Variants in ZC3H12B observed in about 807,000 individuals in gnomAD.
ZC3H12B encodes the protein zinc finger CCCH-type containing 12B.
Under a neutral mutation model 43.9 loss-of-function variants are expected in ZC3H12B, and 7 were observed. The ratio of observed to expected loss-of-function variants is 0.16; its 90% CI spans 0.09 to 0.30. The LOEUF is 0.30. Ranked by LOEUF, ZC3H12B falls within the 10% of genes least tolerant of loss-of-function variation. The probability of loss-of-function intolerance (pLI) is 1.00; values close to 1 mark genes in which losing one functional copy is unlikely to be tolerated. For synonymous variants in ZC3H12B, 222 were observed against 241.7 expected, an observed-to-expected ratio of 0.92 and a Z score of 0.76; for missense variants, 475 against 670.2, an observed-to-expected ratio of 0.71 and a Z score of 3.22.
chrX:65,224,333 G>A, the ZC3H12B span, among the ~76,000 whole-genome samples: 569 of 112,503 alleles, frequency 5.1e-3, 2 homozygotes, highest in African/African-American at 0.016. Flanking sequence ...CTATGAGTTG[G>A]GTACAGTCTA....
At chrX:65,408,426 C>G (rs763660930) in intron 3 of ZC3H12B, 1 of 1,206,106 alleles carries the variant, frequency 8.3e-7, no homozygotes, top group African/African-American at 1.7e-5. Context: ...AAACAGGTGA[C>G]CATGGCAGAG....
the ZC3H12B span, among the ~76,000 whole-genome samples, chrX:65,058,859 G>A: frequency 5.3e-5 from 6 of 112,277 alleles, no homozygotes; most frequent in East Asian, 2.8e-4. Context: ...CTTCGTGGGC[G>A]TGTGACCCTC....
Position 65,382,520 on chromosome X carries a change from G to A in ZC3H12B, n.295+13522G>A, listed in dbSNP as rs183197302. ...CATACTGAATGGGCAAAAACTGGAA[G>A]CATTCCCTTTGAAAACTGGCACAAG... is the stretch of plus-strand genomic sequence containing the variant. On this transcript the variant is annotated intron_variant and non_coding_transcript_variant, in intron 2 of 5. Transcript: ENST00000617377. Among the ~76,000 whole-genome samples, 253 of 111,434 alleles carry A rather than the reference G, an allele frequency of 2.3e-3. 2 individuals carry two copies. Among genetic ancestry groups the A allele is most frequent in the African/African-American group, 7.6e-3 (233 of 30,624 alleles).
At chrX:65,246,266 C>CA in the ZC3H12B span, among the ~76,000 whole-genome samples, 3 of 111,135 alleles carry the variant, frequency 2.7e-5, no homozygotes, top group Non-Finnish European at 3.8e-5. Flanking sequence ...ATACATGGCA[C>CA]AAAAAAATAG....
At chrX:65,168,877 A>T in the ZC3H12B span, among the ~76,000 whole-genome samples, 8 of 111,418 alleles carry the variant, frequency 7.2e-5, no homozygotes, top group African/African-American at 2.6e-4. Context: ...TGTGGAATTG[A>T]TGGTGATATC....
chrX:65,120,560 G>T, the ZC3H12B span, among the ~76,000 whole-genome samples: 1 of 111,308 alleles, frequency 9.0e-6, no homozygotes, highest in Admixed American at 9.6e-5. Flanking sequence ...TGAGACGATG[G>T]GGTTTTCTAG....
the ZC3H12B span, among the ~76,000 whole-genome samples, chrX:65,120,163 G>T: frequency 3.6e-5 from 4 of 111,875 alleles, no homozygotes; most frequent in African/African-American, 1.3e-4. Flanking sequence ...CTTTAAATTA[G>T]TTTTTTCCAA....
At chrX:65,219,722 T>C in the ZC3H12B span, among the ~76,000 whole-genome samples, 2 of 109,847 alleles carry the variant, frequency 1.8e-5, no homozygotes, top group Non-Finnish European at 3.8e-5. Flanking sequence ...GTTTGGAAAA[T>C]GTATTTGAGG....
chrX:65,314,805 A>C, the ZC3H12B span, among the ~76,000 whole-genome samples: 1 of 111,076 alleles, frequency 9.0e-6, no homozygotes, highest in Non-Finnish European at 1.9e-5. Context: ...GTAAAATATA[A>C]TTTGGGAAAA....
At chrX:65,211,310 C>G in the ZC3H12B span, among the ~76,000 whole-genome samples, 2 of 108,265 alleles carry the variant, frequency 1.8e-5, no homozygotes, top group African/African-American at 6.7e-5. Context: ...TTCTTGTAAC[C>G]AAAAACCACC....
intron 3 of ZC3H12B, among the ~76,000 whole-genome samples, chrX:65,422,884 T>C (rs981179657): frequency 9.2e-6 from 1 of 109,184 alleles, no homozygotes; most frequent in Non-Finnish European, 1.9e-5. Context: ...TGTGGCTGCA[T>C]AGTATTCCAT....
chrX:65,232,050 A>G, the ZC3H12B span, among the ~76,000 whole-genome samples: 5 of 105,912 alleles, frequency 4.7e-5, no homozygotes, highest in Middle Eastern at 0.014. Flanking sequence ...CCTGGCTAAC[A>G]TGGTGAAACC....
the ZC3H12B span, among the ~76,000 whole-genome samples, chrX:65,089,626 CAT>C: frequency 1.8e-5 from 2 of 112,008 alleles, no homozygotes; most frequent in South Asian, 7.3e-4. Context: ...CTTAGTATAA[CAT>C]TTTTACTTTA....
chrX:65,350,133 G>A, the ZC3H12B span, among the ~76,000 whole-genome samples: 1 of 106,663 alleles, frequency 9.4e-6, no homozygotes, highest in East Asian at 2.8e-4. Flanking sequence ...ACCGAGTCCA[G>A]CAGCATATCA....
intron 3 of ZC3H12B, among the ~76,000 whole-genome samples, chrX:65,479,981 G>T (rs922152149): frequency 2.7e-5 from 3 of 112,414 alleles, no homozygotes; most frequent in Admixed American, 9.4e-5. Context: ...TTATTTACTT[G>T]GCCTATGCCC....
Position 65,380,433 on chromosome X carries a change from G to A in ZC3H12B, n.295+11435G>A, listed in dbSNP as rs753011966. ...GAGATATGTTCTCACCACCAGGCCC[G>A]CCCTAAAAGAGCTCCTGAAGGAAGC... is the stretch of plus-strand genomic sequence containing the variant. On this transcript the variant is annotated intron_variant and non_coding_transcript_variant, in intron 2 of 5. Coordinates refer to the ZC3H12B transcript ENST00000617377. Among the ~76,000 whole-genome samples, 6 of 111,163 alleles carry A rather than the reference G, an allele frequency of 5.4e-5. No individual in the cohort carries two copies. The South Asian group carries it at 1.2e-3, about 21-fold the overall frequency.
the ZC3H12B span, among the ~76,000 whole-genome samples, chrX:65,288,379 C>T: frequency 1.8e-5 from 2 of 111,512 alleles, no homozygotes; most frequent in African/African-American, 6.5e-5. Flanking sequence ...GCCAATATCC[C>T]TGATGAATAA....
the ZC3H12B span, among the ~76,000 whole-genome samples, chrX:65,048,840 G>A: frequency 9.0e-6 from 1 of 110,515 alleles, no homozygotes; most frequent in Non-Finnish European, 1.9e-5. Flanking sequence ...TCTGGTTTTT[G>A]TTTTGTTTTG....
At chrX:65,285,673 C>G in the ZC3H12B span, among the ~76,000 whole-genome samples, 1 of 111,502 alleles carries the variant, frequency 9.0e-6, no homozygotes, top group East Asian at 2.8e-4. Context: ...GAATTTGTTA[C>G]CACTACACTA....
Sources: allele counts gnomAD v4.1 joint callset (sites outside exome capture counted in the v4.1 genomes callset), GRCh38; gene constraint gnomAD v4.1.1; transcripts MANE v1.5; gene names NCBI Gene and HGNC (gene_info 2026-07-23, HGNC 2026-07-21).